Variants in ARNT2 observed in about 807,000 individuals in gnomAD.
ARNT2 encodes the protein aryl hydrocarbon receptor nuclear translocator 2.
A neutral mutation model predicts 91.7 loss-of-function variants in ARNT2; 36 were observed. The observed-to-expected ratio is 0.39, with a 90% CI of 0.30 to 0.52. The LOEUF is 0.52. ARNT2 is among the 20% of genes least tolerant of loss of function. ARNT2 has a pLI of 0.72. For missense variants in ARNT2, 775 were observed against 939.3 expected, an observed-to-expected ratio of 0.83 and a Z score of 2.29; for synonymous variants, 365 against 347.1, an observed-to-expected ratio of 1.05 and a Z score of -0.57.
intron 1 of ARNT2, among the ~76,000 whole-genome samples, chr15:80,433,066 A>G (rs558122148): frequency 5.3e-5 from 8 of 152,166 alleles, no homozygotes; most frequent in African/African-American, 1.4e-4. Context: ...ATGGATGAAT[A>G]TATTCATCAA....
chr15:80,496,618 A>G (rs1180160602), intron 5 of ARNT2, among the ~76,000 whole-genome samples: 1 of 152,142 alleles, frequency 6.6e-6, no homozygotes, highest in African/African-American at 2.4e-5. Flanking sequence ...AGGAAAGAGG[A>G]GACGTATTAG....
chr15:80,538,681 A>G lies in ARNT2; in HGVS notation c.878-12518A>G, dbSNP rs565984871. On this transcript the variant is annotated intron_variant, in intron 8 of 18. Transcript: ENST00000303329. ...TACTTATGAATTATTAACTAATGAA[A>G]ATAGAAAAAGAATAATAGAATGCCA... 1.7e-3 allele frequency among the ~76,000 whole-genome samples: 253 copies of G among 152,226 alleles called. 1 individual carries two copies. Among genetic ancestry groups the G allele is most frequent in the Non-Finnish European group, 2.8e-3 (189 of 67,990 alleles).
chr15:80,571,852 G>A (rs950859108), intron 12 of ARNT2, among the ~76,000 whole-genome samples: 2 of 152,212 alleles, frequency 1.3e-5, no homozygotes, highest in Non-Finnish European at 2.9e-5. Context: ...GCTCTGTTCT[G>A]TGATAGCCAC....
At chr15:80,451,132 T>C (rs1896383063) in intron 2 of ARNT2, 138 bp downstream of exon 2, 1 of 835,508 alleles carries the variant, frequency 1.2e-6, no homozygotes. Context: ...TTTTACAAGA[T>C]TCCTAAATAT....
chr15:80,508,078 A>G (rs962890324), intron 5 of ARNT2, 78 bp from the exon 6 acceptor site: 2 of 1,382,296 alleles, frequency 1.4e-6, no homozygotes, highest in Non-Finnish European at 2.0e-6. Context: ...GCATTTGGAG[A>G]AAGCACTCCC....
At chr15:80,412,642 A>G (rs949435341) in intron 1 of ARNT2, among the ~76,000 whole-genome samples, 6 of 152,228 alleles carry the variant, frequency 3.9e-5, no homozygotes, top group Non-Finnish European at 5.9e-5. Context: ...TGGCTGTGTC[A>G]TAATTCATTA....
chr15:80,541,024 G>T (rs1275505269), intron 8 of ARNT2, among the ~76,000 whole-genome samples: 2 of 152,190 alleles, frequency 1.3e-5, no homozygotes, highest in Non-Finnish European at 2.9e-5. Flanking sequence ...GGATTGCTGG[G>T]TCAAACGGTA....
intron 5 of ARNT2, among the ~76,000 whole-genome samples, chr15:80,507,647 G>A (rs1185167311): frequency 6.6e-6 from 1 of 152,198 alleles, no homozygotes; most frequent in East Asian, 1.9e-4. Flanking sequence ...AGTGAGAAGA[G>A]AAGAAGGCTG....
intron 5 of ARNT2, among the ~76,000 whole-genome samples, chr15:80,504,316 T>G (rs549293585): frequency 6.6e-6 from 1 of 152,372 alleles, no homozygotes; most frequent in African/African-American, 2.4e-5. Flanking sequence ...GTCTGTTCTC[T>G]TCTTTGTTGT....
intron 1 of ARNT2, among the ~76,000 whole-genome samples, chr15:80,413,050 C>A (rs1895710506): frequency 6.6e-6 from 1 of 152,238 alleles, no homozygotes; most frequent in Admixed American, 6.5e-5. Context: ...CCTTTCCTGG[C>A]CTCCTTTCAG....
chr15:80,501,989 C>G, intron 5 of ARNT2, among the ~76,000 whole-genome samples: 1 of 152,196 alleles, frequency 6.6e-6, no homozygotes, highest in East Asian at 1.9e-4. Flanking sequence ...GCTTCCACAG[C>G]TTCTGGTTGT....
intron 16 of ARNT2, chr15:80,580,984 A>C: frequency 1.8e-6 from 1 of 546,022 alleles, no homozygotes; most frequent in South Asian, 2.6e-5. Flanking sequence ...GGCCTTGGTA[A>C]CCAGACTCCA....
At chr15:80,549,687 A>C (rs1184892551) in intron 8 of ARNT2, among the ~76,000 whole-genome samples, 1 of 152,240 alleles carries the variant, frequency 6.6e-6, no homozygotes, top group Non-Finnish European at 1.5e-5. Context: ...ACAAACATTA[A>C]ATAATGTGAC....
chr15:80,555,990 A>T (rs917641433), intron 11 of ARNT2: 11 of 144,534 alleles, frequency 7.6e-5, no homozygotes, highest in African/African-American at 2.9e-4. Flanking sequence ...CACTCAATCA[A>T]TACAAAGTTA....
In ARNT2 at chr15:80,597,369, A is replaced by G; in HGVS notation, c.*3671A>G. 2.0e-6 allele frequency: 1 copy of G among 502,324 alleles called. No individual in the cohort carries two copies. The highest frequency in any genetic ancestry group is 4.0e-6 in the Non-Finnish European group (1 of 249,850). The allele number at this position is 502,324 out of a possible 1,614,324, so 31.1% of individuals were successfully genotyped here. On this transcript the variant is annotated 3_prime_UTR_variant, in exon 19 of 19. Coordinates refer to ENST00000303329, the MANE Select transcript of ARNT2 (RefSeq NM_014862.4). ...AAGTCAGAATAGAAGTGTCCTTTATATTACCAGAAAATATGGGCTTGGCCT... is the reference window on the plus strand; with the variant it reads ...AAGTCAGAATAGAAGTGTCCTTTATGTTACCAGAAAATATGGGCTTGGCCT...
chr15:80,554,877 A>G (rs1012110346), intron 10 of ARNT2, 188 bp from the exon 11 acceptor site: 5 of 553,830 alleles, frequency 9.0e-6, no homozygotes, highest in African/African-American at 1.9e-5. Flanking sequence ...CTTAGAGTGA[A>G]TACCAAGAAG....
intron 1 of ARNT2, among the ~76,000 whole-genome samples, chr15:80,432,378 G>A (rs1244635585): frequency 6.6e-6 from 1 of 152,110 alleles, no homozygotes; most frequent in Non-Finnish European, 1.5e-5. Flanking sequence ...TTTTGTATGG[G>A]CCATGAGCTG....
At position 80,442,999 on chromosome 15, in the gene ARNT2, C is replaced by A. The variant is rs1896218104; in HGVS notation, c.32-7881C>A. ...CATCTCTCACCTGGACTGCTGTGAC[C>A]TTCATTCATTCCCAGGAGAAGTCCA... On this transcript the variant is annotated intron_variant, in intron 1 of 18. Transcript: ENST00000303329. 5 of 985,316 alleles carry A rather than the reference C, an allele frequency of 5.1e-6. No homozygotes were observed. In the South Asian group the frequency reaches 2.3e-4, roughly 46 times the overall value. The allele number at this position is 985,316 out of a possible 1,614,324, so 61.0% of individuals were successfully genotyped here. A position where few individuals can be genotyped will look rare whatever the true frequency, so the allele number is the denominator to read the frequency against.
intron 1 of ARNT2, among the ~76,000 whole-genome samples, chr15:80,435,057 GCC>G (rs1896066875): frequency 6.6e-6 from 1 of 152,008 alleles, no homozygotes; most frequent in Admixed American, 6.5e-5. Context: ...ACCGGTTGTC[GCC>G]TGTACCACTC....
Sources: gnomAD v4.1 joint callset for allele counts (sites outside exome capture counted in the v4.1 genomes callset) on GRCh38, gnomAD v4.1.1 for gene constraint, MANE v1.5 for transcripts, NCBI Gene and HGNC (gene_info 2026-07-23, HGNC 2026-07-21) for gene names.